KLF8: variants seen among roughly 807,000 people sequenced by gnomAD.
KLF8 encodes Krueppel-like factor 8.
KLF8 carries 10 observed loss-of-function variants against 18.2 expected under a neutral mutation model. That is an observed-to-expected ratio of 0.55 (90% CI 0.34 to 0.93). The LOEUF (loss-of-function observed/expected upper bound fraction) is 0.93, where lower values mean the gene tolerates loss of function less well. KLF8 is among the 40% of genes least tolerant of loss of function. The probability of loss-of-function intolerance (pLI) is 0.02; values close to 1 mark genes in which losing one functional copy is unlikely to be tolerated. For synonymous variants in KLF8, 109 were observed against 97.3 expected (o/e 1.12, Z -0.71); for missense variants, 264 against 277.9 (o/e 0.95, Z 0.36).
At chrX:55,948,247 A>C in the KLF8 span, among the ~76,000 whole-genome samples, 1 of 112,345 alleles carries the variant, frequency 8.9e-6, no homozygotes, top group African/African-American at 3.2e-5. Flanking sequence ...TGACCAATAA[A>C]ACTTTAGGCT....
the KLF8 span, among the ~76,000 whole-genome samples, chrX:56,148,881 G>T: frequency 6.3e-5 from 7 of 111,942 alleles, 1 homozygote; most frequent in Admixed American, 6.7e-4. Context: ...ATGAGATTTG[G>T]GTGGAGACAC....
chrX:55,991,325 T>C, the KLF8 span, among the ~76,000 whole-genome samples: 1 of 112,421 alleles, frequency 8.9e-6, no homozygotes, highest in African/African-American at 3.2e-5. Context: ...TATAATCTCC[T>C]GGTATGCCTT....
At chrX:55,995,369 T>G in the KLF8 span, among the ~76,000 whole-genome samples, 3 of 112,330 alleles carry the variant, frequency 2.7e-5, no homozygotes, top group African/African-American at 9.7e-5. Flanking sequence ...AGTTGGAACA[T>G]TTAACCCATT....
chrX:56,126,153 C>T, the KLF8 span, among the ~76,000 whole-genome samples: 1 of 111,677 alleles, frequency 9.0e-6, no homozygotes, highest in African/African-American at 3.3e-5. Context: ...GTTACAATGG[C>T]TATCACCAAC....
At chrX:56,094,600 CA>C in the KLF8 span, among the ~76,000 whole-genome samples, 1 of 110,697 alleles carries the variant, frequency 9.0e-6, no homozygotes, top group Admixed American at 9.6e-5. Context: ...AAGACGCCAT[CA>C]AAAAAACGTA....
chrX:56,161,774 A>C, the KLF8 span, among the ~76,000 whole-genome samples: 3 of 111,946 alleles, frequency 2.7e-5, no homozygotes, highest in African/African-American at 9.7e-5. Flanking sequence ...TCAACTCGTC[A>C]AAGTCATTCT....
At chrX:56,174,634 T>C in the KLF8 span, among the ~76,000 whole-genome samples, 3 of 112,196 alleles carry the variant, frequency 2.7e-5, no homozygotes, top group East Asian at 8.4e-4. Flanking sequence ...GAGGATTCCC[T>C]CTTTTTCTAT....
chrX:55,926,344 T>A, the KLF8 span, among the ~76,000 whole-genome samples: 1 of 110,964 alleles, frequency 9.0e-6, no homozygotes, highest in Non-Finnish European at 1.9e-5. Context: ...TTTCCATACA[T>A]CTCCCTGTCT....
chrX:55,934,214 G>T, the KLF8 span, among the ~76,000 whole-genome samples: 1 of 111,579 alleles, frequency 9.0e-6, no homozygotes, highest in Non-Finnish European at 1.9e-5. Flanking sequence ...CTGTATTTCT[G>T]TTACCTATCA....
At chrX:56,278,647 A>G (rs1309762072) in intron 5 of KLF8, among the ~76,000 whole-genome samples, 1 of 111,639 alleles carries the variant, frequency 9.0e-6, no homozygotes, top group Non-Finnish European at 1.9e-5. Flanking sequence ...CCACTGCCTT[A>G]TCTGATCCAG....
At chrX:55,973,029 G>A in the KLF8 span, among the ~76,000 whole-genome samples, 1 of 112,136 alleles carries the variant, frequency 8.9e-6, no homozygotes, top group Non-Finnish European at 1.9e-5. Context: ...CAGACCAATG[G>A]AGCAGATTAG....
chrX:56,049,693 A>T, the KLF8 span, among the ~76,000 whole-genome samples: 4 of 107,069 alleles, frequency 3.7e-5, no homozygotes, highest in East Asian at 1.2e-3. Context: ...GGATTTTTGC[A>T]TCAATGTTCA....
the KLF8 span, among the ~76,000 whole-genome samples, chrX:55,987,830 G>C: frequency 9.8e-5 from 11 of 111,872 alleles, no homozygotes; most frequent in Non-Finnish European, 2.1e-4. Flanking sequence ...GTGTAAAAAT[G>C]TTCCTATTTC....
the KLF8 span, among the ~76,000 whole-genome samples, chrX:56,208,399 C>T: frequency 9.0e-6 from 1 of 111,250 alleles, no homozygotes; most frequent in Non-Finnish European, 1.9e-5. Flanking sequence ...AAAGGTTTGT[C>T]AATTTTGTTT....
chrX:56,208,488 CTTA>C, the KLF8 span, among the ~76,000 whole-genome samples: 29 of 110,623 alleles, frequency 2.6e-4, no homozygotes, highest in Non-Finnish European at 5.7e-5. Context: ...TGCTCTAATC[CTTA>C]TTTTTTTTCT....
chrX:55,980,513 A>G, the KLF8 span, among the ~76,000 whole-genome samples: 1 of 111,938 alleles, frequency 8.9e-6, no homozygotes, highest in Admixed American at 9.4e-5. Flanking sequence ...ACATGCAGTG[A>G]CATCCATTCT....
chrX:56,149,451 G>A, the KLF8 span, among the ~76,000 whole-genome samples: 1 of 110,217 alleles, frequency 9.1e-6, no homozygotes, highest in Non-Finnish European at 1.9e-5. Flanking sequence ...GGGGGAGTGG[G>A]ACAAGGGCTG....
At chrX:55,912,744 A>T in the KLF8 span, among the ~76,000 whole-genome samples, 1 of 111,545 alleles carries the variant, frequency 9.0e-6, no homozygotes, top group Non-Finnish European at 1.9e-5. Flanking sequence ...TTTCCCACTC[A>T]TTCAGCCCTA....
chrX:56,269,298 G>A, intron 3 of KLF8, 80 bp from the exon 4 acceptor site: 1 of 1,064,534 alleles, frequency 9.4e-7, no homozygotes, highest in Admixed American at 3.7e-5. Flanking sequence ...TTCTTAAGGT[G>A]GGACAAACTG....
Sources: gnomAD v4.1 joint callset for allele counts (sites outside exome capture counted in the v4.1 genomes callset) on GRCh38, gnomAD v4.1.1 for gene constraint, MANE v1.5 for transcripts, NCBI Gene and HGNC (gene_info 2026-07-23, HGNC 2026-07-21) for gene names.